MAGI1: variants seen among roughly 807,000 people sequenced by gnomAD.
MAGI1 encodes membrane associated guanylate kinase, WW and PDZ domain containing 1.
In MAGI1, 58 loss-of-function variants were observed where a neutral mutation model predicts 139.9. The ratio of observed to expected loss-of-function variants is 0.41; its 90% CI spans 0.34 to 0.52. The LOEUF (loss-of-function observed/expected upper bound fraction) is 0.52, where lower values mean the gene tolerates loss of function less well. Among genes scored for constraint, MAGI1 ranks in the 20% least tolerant of loss-of-function variants. The pLI is 0.12. For synonymous variants in MAGI1, 812 were observed against 737.9 expected, an observed-to-expected ratio of 1.10 and a Z score of -1.63; for missense variants, 1,874 against 1,901.6, an observed-to-expected ratio of 0.99 and a Z score of 0.27.
At position 65,974,399 on chromosome 3, in the gene MAGI1, GTGGATGGGTGGATGGATGGA is replaced by G. The variant is rs1165531278; in HGVS notation, c.313+63577_313+63596del. On this transcript the variant is annotated intron_variant, in intron 1 of 22. Coordinates refer to ENST00000402939, the MANE Select transcript of MAGI1 (RefSeq NM_001033057.2). ...GGTGGGCGGGTGGCTGGGTGGATGG[GTGGATGGGTGGATGGATGGA>G]TGGATGGATGGATGGATGCATGGAT... Among the ~76,000 whole-genome samples the G allele has an allele frequency of 9.6e-4, 5 of 5,196 alleles. No homozygotes were observed. The East Asian group carries it at 0.043, about 45-fold the overall frequency. The allele number at this position is 5,196 out of a possible 152,430, so 3.4% of individuals were successfully genotyped here.
chr3:65,732,354 C>G (rs949996659), intron 1 of MAGI1, among the ~76,000 whole-genome samples: 27 of 152,198 alleles, frequency 1.8e-4, no homozygotes, highest in Non-Finnish European at 3.5e-4. Flanking sequence ...CTTGGGGATA[C>G]TGATAAGCAG....
chr3:65,377,514 T>C (rs1942645150), intron 17 of MAGI1, among the ~76,000 whole-genome samples: 1 of 152,232 alleles, frequency 6.6e-6, no homozygotes, highest in Admixed American at 6.5e-5. Flanking sequence ...AACCTGCCAC[T>C]TGACATATTT....
intron 21 of MAGI1, among the ~76,000 whole-genome samples, chr3:65,363,240 C>T (rs1941070613): frequency 6.6e-6 from 1 of 152,144 alleles, no homozygotes; most frequent in Non-Finnish European, 1.5e-5. Flanking sequence ...CCTTTATTCC[C>T]TATATCAACC....
chr3:65,721,041 C>A (rs2032954121), intron 1 of MAGI1, among the ~76,000 whole-genome samples: 1 of 152,022 alleles, frequency 6.6e-6, no homozygotes, highest in Non-Finnish European at 1.5e-5. Context: ...CACCTGAAAT[C>A]CCTGGCCATT....
chr3:65,647,393 G>A (rs1229671816), intron 1 of MAGI1, among the ~76,000 whole-genome samples: 1 of 152,048 alleles, frequency 6.6e-6, no homozygotes, highest in Non-Finnish European at 1.5e-5. Context: ...TATGAACCTA[G>A]TATTACTCTG....
At chr3:66,008,473 G>T (rs1408935989) in intron 1 of MAGI1, among the ~76,000 whole-genome samples, 6 of 152,154 alleles carry the variant, frequency 3.9e-5, no homozygotes, top group African/African-American at 1.4e-4. Flanking sequence ...GCACAGCAAT[G>T]CCCTTGACCC....
chr3:66,023,260 GAGA>G (rs1158531810), intron 1 of MAGI1, among the ~76,000 whole-genome samples: 1 of 152,190 alleles, frequency 6.6e-6, no homozygotes, highest in Non-Finnish European at 1.5e-5. Context: ...AAGGGGACTA[GAGA>G]AGGAGAGAAA....
Position 65,439,916 on chromosome 3 carries a change from T to TTGCTGC in MAGI1, c.1227_1232dup (p.Gln420_Gln421dup). On this transcript the variant is annotated inframe_insertion, in exon 9 of 23. Coordinates refer to ENST00000402939, the MANE Select transcript of MAGI1 (RefSeq NM_001033057.2). Reference sequence around the variant, plus strand: ...GCTGCTGCTGCTGCTGCTGCTGCTGTTGCTGCTGCTGTTGCTGCTGCTGCT... The same window carrying TTGCTGC: ...GCTGCTGCTGCTGCTGCTGCTGCTGTTGCTGCTGCTGCTGCTGTTGCTGCTGCTGCT... 1.5e-6 allele frequency: 2 copies of TTGCTGC among 1,344,984 alleles called. No individual in the cohort carries two copies. The highest frequency in any genetic ancestry group is 1.0e-6 in the Non-Finnish European group (1 of 963,976). 83.3% of individuals were successfully genotyped at this position (1,344,984 alleles called of 1,614,324 possible).
At chr3:65,548,854 C>A (rs527427671) in intron 2 of MAGI1, among the ~76,000 whole-genome samples, 1 of 152,140 alleles carries the variant, frequency 6.6e-6, no homozygotes, top group Non-Finnish European at 1.5e-5. Flanking sequence ...AAAATGCAGG[C>A]TACTGGAGGG....
intron 1 of MAGI1, among the ~76,000 whole-genome samples, chr3:66,020,948 C>T (rs918863015): frequency 1.3e-5 from 2 of 151,954 alleles, no homozygotes; most frequent in Admixed American, 6.6e-5. Flanking sequence ...GTAAATGTAC[C>T]GATTAAAAAG....
At chr3:65,882,557 G>T (rs1476348670) in intron 1 of MAGI1, among the ~76,000 whole-genome samples, 2 of 151,884 alleles carry the variant, frequency 1.3e-5, no homozygotes, top group East Asian at 1.9e-4. Flanking sequence ...TTCCTCAACT[G>T]GGGGGAAAAA....
rs1444416320 is a variant in MAGI1, at chr3:65,353,601, A to T, written c.*2777T>A. ...AAAAAATCTTTCACAAAAGAAACTTAAAAAATACAATTAGGGTGTTGAGTC... is the reference window on the plus strand; with the variant it reads ...AAAAAATCTTTCACAAAAGAAACTTTAAAAATACAATTAGGGTGTTGAGTC... On this transcript the variant is annotated 3_prime_UTR_variant, in exon 23 of 23. Transcript: ENST00000402939. The T allele has an allele frequency of 6.6e-6, 1 of 152,212 alleles. No individual in the cohort carries two copies. Among genetic ancestry groups the T allele is most frequent in the Non-Finnish European group, 1.5e-5 (1 of 68,036 alleles). 9.4% of individuals were successfully genotyped at this position (152,212 alleles called of 1,614,324 possible).
intron 2 of MAGI1, among the ~76,000 whole-genome samples, chr3:65,545,045 G>C (rs2079432105): frequency 6.6e-6 from 1 of 152,080 alleles, no homozygotes; most frequent in Admixed American, 6.6e-5. Context: ...TTGTACATTA[G>C]TTTCAGTTTA....
At chr3:65,437,873 T>C (rs571675636) in intron 9 of MAGI1, among the ~76,000 whole-genome samples, 4 of 152,276 alleles carry the variant, frequency 2.6e-5, no homozygotes, top group African/African-American at 9.6e-5. Context: ...CCAAGTTTCA[T>C]CAGCTCAGGA....
chr3:65,530,711 G>A (rs1481247293), intron 2 of MAGI1, among the ~76,000 whole-genome samples: 1 of 109,510 alleles, frequency 9.1e-6, no homozygotes, highest in East Asian at 2.9e-4. Context: ...ACATATACAC[G>A]TGTATATATA....
intron 20 of MAGI1, 60 bp downstream of exon 20, chr3:65,364,605 G>C: frequency 7.0e-7 from 1 of 1,438,846 alleles, no homozygotes; most frequent in Non-Finnish European, 9.7e-7. Flanking sequence ...CATAAAAGTA[G>C]CTTGAGAAAG....
At chr3:65,715,809 T>G (rs1180044318) in intron 1 of MAGI1, among the ~76,000 whole-genome samples, 1 of 152,188 alleles carries the variant, frequency 6.6e-6, no homozygotes, top group Non-Finnish European at 1.5e-5. Context: ...AACCAAAAAT[T>G]TGTGCTGCTT....
intron 2 of MAGI1, among the ~76,000 whole-genome samples, chr3:65,537,617 T>A (rs1009145046): frequency 6.6e-6 from 1 of 152,154 alleles, no homozygotes; most frequent in African/African-American, 2.4e-5. Flanking sequence ...AACTTGGGTA[T>A]ACCTTGCAAT....
intron 1 of MAGI1, among the ~76,000 whole-genome samples, chr3:65,747,879 C>T (rs893491429): frequency 3.3e-5 from 5 of 152,162 alleles, no homozygotes; most frequent in Admixed American, 6.5e-5. Flanking sequence ...CACTGGCCTA[C>T]AGAAAGGCAG....
Sources: allele counts gnomAD v4.1 joint callset (sites outside exome capture counted in the v4.1 genomes callset), GRCh38; gene constraint gnomAD v4.1.1; transcripts MANE v1.5; gene names NCBI Gene and HGNC (gene_info 2026-07-23, HGNC 2026-07-21).